Variants in ATAD2B observed in about 807,000 individuals in gnomAD.
ATAD2B encodes ATPase family AAA domain containing 2B, also known as ATPase family AAA domain-containing protein 2B.
A neutral mutation model predicts 167.6 loss-of-function variants in ATAD2B; 40 were observed. That is an observed-to-expected ratio of 0.24 (90% CI 0.19 to 0.31). The LOEUF is 0.31. Ranked by LOEUF, ATAD2B falls within the 10% of genes least tolerant of loss-of-function variation. The pLI is 1.00. For synonymous variants in ATAD2B, 579 were observed against 596.5 expected (o/e 0.97, Z 0.43); for missense variants, 1,242 against 1,757.2 (o/e 0.71, Z 5.24).
intron 12 of ATAD2B, among the ~76,000 whole-genome samples, chr2:23,858,090 C>CT (rs1693718611): frequency 6.6e-6 from 1 of 150,828 alleles, no homozygotes; most frequent in Non-Finnish European, 1.5e-5. Context: ...CACACACATT[C>CT]TTTTTATTTA....
the ATAD2B span, chr2:23,696,326 C>G: frequency 6.4e-7 from 1 of 1,551,048 alleles, no homozygotes; most frequent in Non-Finnish European, 8.7e-7. This position sits in a 1 kb window ranked among gnomAD's most constrained non-coding sequence, Gnocchi z 5.5. Context: ...TCCCACACTG[C>G]CTCCAGGTGG....
intron 1 of ATAD2B, among the ~76,000 whole-genome samples, chr2:23,909,894 G>C (rs1226453620): frequency 1.3e-5 from 2 of 151,506 alleles, no homozygotes; most frequent in Admixed American, 1.3e-4. Context: ...TAAGAGATGA[G>C]ATATTATTGC....
At chr2:23,856,514 C>A in intron 13 of ATAD2B, 1 of 326,246 alleles carries the variant, frequency 3.1e-6, no homozygotes, top group Admixed American at 4.8e-5. Context: ...TACACACACA[C>A]ATATACATTA....
At chr2:23,696,753 T>G in the ATAD2B span, 1 of 459,736 alleles carries the variant, frequency 2.2e-6, no homozygotes, top group Admixed American at 4.0e-5. The surrounding 1 kb of genome is among the most constrained non-coding windows in gnomAD (Gnocchi z 5.5). Context: ...GATGGGGCGC[T>G]TCTGTCCCGA....
At chr2:23,696,377 A>G in the ATAD2B span, 2 of 1,551,596 alleles carry the variant, frequency 1.3e-6, no homozygotes, top group Non-Finnish European at 8.7e-7. This position sits in a 1 kb window ranked among gnomAD's most constrained non-coding sequence, Gnocchi z 5.5. Context: ...CTGGTGCTAC[A>G]TGTCCCTGCT....
chr2:23,762,376 T>C (rs1053228101), intron 23 of ATAD2B, 30 bp from the exon 24 acceptor site: 1 of 1,590,652 alleles, frequency 6.3e-7, no homozygotes, highest in Non-Finnish European at 8.6e-7. Flanking sequence ...AATACCTCTT[T>C]AAATATTCCC....
chr2:23,877,170 G>C (rs1386271636), intron 7 of ATAD2B, among the ~76,000 whole-genome samples: 1 of 151,878 alleles, frequency 6.6e-6, no homozygotes, highest in Non-Finnish European at 1.5e-5. Flanking sequence ...CGGGACTTTG[G>C]AAGGCCAAGT....
At chr2:23,814,216 A>C (rs1686072250) in intron 17 of ATAD2B, among the ~76,000 whole-genome samples, 1 of 152,220 alleles carries the variant, frequency 6.6e-6, no homozygotes, top group Non-Finnish European at 1.5e-5. Flanking sequence ...AAAGGACGTA[A>C]AACAAGACAA....
At chr2:23,816,795 T>C (rs547740465) in intron 17 of ATAD2B, among the ~76,000 whole-genome samples, 2 of 152,196 alleles carry the variant, frequency 1.3e-5, no homozygotes, top group African/African-American at 2.4e-5. Flanking sequence ...CTTATGGTAA[T>C]ATAAAGTAAG....
chr2:23,824,787 A>G (rs1484347859), intron 15 of ATAD2B, among the ~76,000 whole-genome samples: 1 of 152,204 alleles, frequency 6.6e-6, no homozygotes, highest in Non-Finnish European at 1.5e-5. Context: ...CCTTGTCACA[A>G]AAAGGAAGAA....
intron 2 of ATAD2B, among the ~76,000 whole-genome samples, chr2:23,891,104 A>C (rs1425443959): frequency 6.8e-6 from 1 of 147,076 alleles, no homozygotes; most frequent in Non-Finnish European, 1.5e-5. Flanking sequence ...CACTGCAACC[A>C]CCATCTCCCG....
chr2:23,751,442 T>A lies in ATAD2B; in HGVS notation c.*604A>T, dbSNP rs1675343809. ...TAATTTATTTGCTTCAAACAGCCCA[T>A]CCTTTTAGCCTTATCTTCCTCAAAT... On this transcript the variant is annotated 3_prime_UTR_variant, in exon 28 of 28. Transcript: ENST00000238789. 1 of 152,134 alleles carries A rather than the reference T, an allele frequency of 6.6e-6. No homozygotes were observed. The highest frequency in any genetic ancestry group is 1.5e-5 in the Non-Finnish European group (1 of 68,008). 9.4% of individuals were successfully genotyped at this position (152,134 alleles called of 1,614,324 possible). A position where few individuals can be genotyped will look rare whatever the true frequency, so the allele number is the denominator to read the frequency against.
chr2:23,812,824 C>T (rs1463592544), intron 17 of ATAD2B, among the ~76,000 whole-genome samples: 2 of 138,476 alleles, frequency 1.4e-5, no homozygotes, highest in Admixed American at 7.9e-5. Flanking sequence ...GATCTCACCA[C>T]TGCAACAGAG....
chr2:23,921,775 CTATATTGTA>C (rs1703962946), intron 1 of ATAD2B, among the ~76,000 whole-genome samples: 1 of 152,094 alleles, frequency 6.6e-6, no homozygotes, highest in Non-Finnish European at 1.5e-5. Flanking sequence ...TATATTGTAC[CTATATTGTA>C]CTATAGGAGT....
At chr2:23,709,739 T>G in the ATAD2B span, among the ~76,000 whole-genome samples, 4 of 152,172 alleles carry the variant, frequency 2.6e-5, no homozygotes, top group African/African-American at 9.7e-5. Context: ...CATACTCTTG[T>G]CAAATAAATA....
chr2:23,852,812 G>A (rs1468664828), intron 13 of ATAD2B, among the ~76,000 whole-genome samples: 5 of 151,880 alleles, frequency 3.3e-5, no homozygotes, highest in African/African-American at 7.3e-5. Context: ...CCAGGTACTC[G>A]GGAGGCTGAG....
intron 25 of ATAD2B, among the ~76,000 whole-genome samples, chr2:23,757,196 G>A (rs1422095277): frequency 2.6e-5 from 4 of 152,230 alleles, no homozygotes; most frequent in South Asian, 4.1e-4. Context: ...CACTCGAAAC[G>A]ATACACCCTC....
In ATAD2B at chr2:23,862,103, C is replaced by T. The variant is rs181843010; in HGVS notation, c.1479+1278G>A. Among the ~76,000 whole-genome samples, 70 of 151,768 alleles carry T rather than the reference C, an allele frequency of 4.6e-4. 1 individual carries two copies. The East Asian group carries it at 9.5e-3, about 21-fold the overall frequency. On this transcript the variant is annotated intron_variant, in intron 12 of 27. Transcript: ENST00000238789. ...TAGTTCTACCTAGAGAGGCCAAGGC[C>T]GGAAGATCACTTGAGTCCAGGAGTT...
At chr2:23,876,558 C>A (rs1696874649) in intron 7 of ATAD2B, among the ~76,000 whole-genome samples, 1 of 152,132 alleles carries the variant, frequency 6.6e-6, no homozygotes, top group African/African-American at 2.4e-5. Flanking sequence ...CCTAGGCCTC[C>A]CAAATTACTG....
Sources: gnomAD v4.1 joint callset for allele counts (sites outside exome capture counted in the v4.1 genomes callset) on GRCh38, gnomAD v4.1.1 for gene constraint, Gnocchi (gnomAD v3.1) non-coding constraint, MANE v1.5 for transcripts, NCBI Gene and HGNC (gene_info 2026-07-23, HGNC 2026-07-21) for gene names.